Variants in KRT86 observed in about 807,000 individuals in gnomAD.
The protein encoded by KRT86 is keratin, type II cuticular Hb6.
Under a neutral mutation model 41.2 loss-of-function variants are expected in KRT86, and 30 were observed. That is an observed-to-expected ratio of 0.73 (90% CI 0.54 to 0.99). The LOEUF is 0.99. Among genes scored for constraint, KRT86 ranks in the 50% least tolerant of loss-of-function variants. The pLI is 0.00. For missense variants in KRT86, 561 were observed against 571.4 expected (o/e 0.98, Z 0.19); for synonymous variants, 238 against 238.1 (o/e 1.00, Z 0.00).
intron 2 of KRT86, among the ~76,000 whole-genome samples, chr12:52,284,334 T>G (rs1937856091): frequency 6.6e-6 from 1 of 152,182 alleles, no homozygotes; most frequent in African/African-American, 2.4e-5. Flanking sequence ...GGACTATAGG[T>G]GCACACCACG....
At position 52,306,216 on chromosome 12, in the gene KRT86, T is replaced by C. The variant is rs2121314753; in HGVS notation, c.1183T>C (p.Ser395Pro). Residue 395 changes from serine (S) to proline (P), a missense_variant, in exon 9 of 11, where the codon TCC becomes CCC. This residue lies in a region of KRT86 where 397 missense variants were observed against 375.9 expected (regional missense o/e 1.06). Coordinates refer to ENST00000423955, the MANE Select transcript of KRT86 (RefSeq NM_001320198.2). The stretch of plus-strand genomic sequence containing the variant: ...CAGGGAGTACCAGGAGGTGATGAAC[T>C]CCAAGCTGGGCCTGGACATCGAGAT... The part of the protein sequence containing the change: ...LIREYQEVMN[S>P]KLGLDIEIAT... The C allele has an allele frequency of 1.9e-6, 3 of 1,613,710 alleles. No homozygotes were observed. Among genetic ancestry groups the C allele is most frequent in the Non-Finnish European group, 2.5e-6 (3 of 1,180,024 alleles).
Position 52,304,969 on chromosome 12 carries a change from A to C in KRT86, c.677A>C (p.Glu226Ala). Residue 226 changes from glutamate (E) to alanine (A), a missense_variant, in exon 6 of 11, where the codon GAG (glutamate) becomes GCG (alanine). Coordinates refer to ENST00000423955, the MANE Select transcript of KRT86 (RefSeq NM_001320198.2). ...DCAYLRKSDL[E>A]ANVEALIQEI... The stretch of plus-strand genomic sequence containing the variant: ...GCCTACCTCCGCAAATCAGACCTGG[A>C]GGCCAATGTGGAGGCCCTGATCCAG... 6.2e-7 allele frequency: 1 copy of C among 1,614,150 alleles called. No homozygotes were observed. Among genetic ancestry groups the C allele is most frequent in the Non-Finnish European group, 8.5e-7 (1 of 1,180,024 alleles).
chr12:52,282,928 C>A (rs1937809992), intron 2 of KRT86, among the ~76,000 whole-genome samples: 1 of 152,248 alleles, frequency 6.6e-6, no homozygotes, highest in Admixed American at 6.5e-5. Flanking sequence ...CACACAGGTG[C>A]CTGGAATGTG....
intron 2 of KRT86, chr12:52,286,600 A>G: frequency 7.7e-7 from 1 of 1,303,838 alleles, no homozygotes; most frequent in Non-Finnish European, 1.1e-6. Flanking sequence ...AGTCAGAAGC[A>G]TCTTTGTGGA....
chr12:52,276,409 C>G (rs1942559928), intron 2 of KRT86, among the ~76,000 whole-genome samples: 1 of 152,186 alleles, frequency 6.6e-6, no homozygotes, highest in Admixed American at 6.5e-5. Context: ...TCATCTCTCT[C>G]TTCTTCACAT....
At chr12:52,305,942 A>G in intron 8 of KRT86, 118 bp from the exon 9 acceptor site, 1 of 1,570,038 alleles carries the variant, frequency 6.4e-7, no homozygotes, top group Non-Finnish European at 8.7e-7. Flanking sequence ...CCAGGTGATG[A>G]AGGCAAGAGG....
rs1237005825 is a variant in KRT86, at chr12:52,308,719, A to C, written c.*134A>C. ...TGCCTGCACTCTAAGCGCCCTCCCC[A>C]CCGCTCCGCTCCGGGAGCCATCCCC... On this transcript the variant is annotated 3_prime_UTR_variant, in exon 11 of 11. Coordinates refer to ENST00000423955, the MANE Select transcript of KRT86 (RefSeq NM_001320198.2). The C allele has an allele frequency of 2.3e-5, 18 of 792,056 alleles. No homozygotes were observed. Among genetic ancestry groups the C allele is most frequent in the South Asian group, 3.4e-5 (2 of 58,278 alleles). 49.1% of individuals were successfully genotyped at this position (792,056 alleles called of 1,614,324 possible).
chr12:52,308,453 C>T lies in KRT86; in HGVS notation c.1329C>T (p.Ser443=). 1 of 1,611,896 alleles carries T rather than the reference C, an allele frequency of 6.2e-7. No individual in the cohort carries two copies. The change falls in exon 11 of 11, where the codon TCC becomes TCT. Residue 443 remains serine, a synonymous_variant. Coordinates refer to ENST00000423955, the MANE Select transcript of KRT86 (RefSeq NM_001320198.2). ...GGVVCGDLCA[S]TTAPVVSTRV... ...TTGTCTGTGGCGATCTCTGCGCCTC[C>T]ACTACTGCCCCTGTTGTCTCCACCA...
intron 2 of KRT86, among the ~76,000 whole-genome samples, chr12:52,281,841 C>T (rs921153928): frequency 3.9e-5 from 6 of 152,126 alleles, no homozygotes; most frequent in African/African-American, 1.2e-4. Flanking sequence ...TGGGCTGAAG[C>T]GATCCTCCTG....
intron 2 of KRT86, chr12:52,287,371 T>G (rs1310091079): frequency 6.2e-7 from 1 of 1,607,170 alleles, no homozygotes; most frequent in African/African-American, 1.3e-5. Context: ...TGGGTCTCTC[T>G]GATGCTCATC....
intron 2 of KRT86, chr12:52,285,773 T>G: frequency 5.3e-6 from 1 of 187,616 alleles, no homozygotes; most frequent in Non-Finnish European, 1.1e-5. Context: ...CTTGGCTAAA[T>G]CTGAACCTTC....
intron 2 of KRT86, chr12:52,286,494 C>T: frequency 6.4e-7 from 1 of 1,552,170 alleles, no homozygotes; most frequent in South Asian, 1.2e-5. Flanking sequence ...CTGCTGACAC[C>T]TGTGAACCCC....
At chr12:52,300,682 C>CT (rs1938351749) in intron 2 of KRT86, among the ~76,000 whole-genome samples, 1 of 152,228 alleles carries the variant, frequency 6.6e-6, no homozygotes, top group African/African-American at 2.4e-5. Flanking sequence ...TACTGACAAA[C>CT]TTCTGTGCAG....
chr12:52,288,607 G>T, intron 2 of KRT86: 2 of 997,842 alleles, frequency 2.0e-6, no homozygotes, highest in Non-Finnish European at 3.2e-6. Context: ...TTCCTGGGAT[G>T]AGCTGGCATC....
Position 52,304,970 on chromosome 12 carries a change from G to T in KRT86, c.678G>T (p.Glu226Asp). The T allele has an allele frequency of 6.2e-7, 1 of 1,614,198 alleles. No individual in the cohort carries two copies. The highest frequency in any genetic ancestry group is 1.1e-5 in the South Asian group (1 of 91,076). ...CCTACCTCCGCAAATCAGACCTGGA[G>T]GCCAATGTGGAGGCCCTGATCCAGG... is the stretch of plus-strand genomic sequence containing the variant. Reference protein sequence around the residue: ...DCAYLRKSDLEANVEALIQEI... With the variant: ...DCAYLRKSDLDANVEALIQEI... The change falls in exon 6 of 11, where the codon GAG becomes GAT. Residue 226 changes from glutamate (E) to aspartate (D), a missense_variant. Physicochemically the swap from Glu to Asp is conservative, Grantham distance 45. This residue lies in a region of KRT86 where 397 missense variants were observed against 375.9 expected (regional missense o/e 1.06). Transcript: ENST00000423955.
chr12:52,279,206 A>G (rs566621497), intron 2 of KRT86: 1 of 152,214 alleles, frequency 6.6e-6, no homozygotes, highest in Admixed American at 6.5e-5. Flanking sequence ...CTTTAGCTAC[A>G]CAGCTCCCGC....
intron 2 of KRT86, among the ~76,000 whole-genome samples, chr12:52,295,448 G>A (rs1938226319): frequency 6.6e-6 from 1 of 152,148 alleles, no homozygotes; most frequent in Non-Finnish European, 1.5e-5. Context: ...ACTCCCTTCT[G>A]TACACCATCG....
Position 52,305,913 on chromosome 12 carries a change from G to A in KRT86, c.1026+125G>A, listed in dbSNP as rs189194815. 1,680 of 1,585,712 alleles carry A rather than the reference G, an allele frequency of 1.1e-3. 25 individuals are homozygous for A. The Admixed American group carries it at 0.028, about 26-fold the overall frequency. ...CCCCTCTGTCCATGTAGAGTCCCTG[G>A]TTGTGGTCTCTGTGAGTCCCAGGTG... is the stretch of plus-strand genomic sequence containing the variant. On this transcript the variant is annotated intron_variant, in intron 8 of 10. Transcript: ENST00000423955.
At position 52,308,543 on chromosome 12, in the gene KRT86, C is replaced by T. The variant is rs956145488; in HGVS notation, c.1419C>T (p.Ser473=). The change falls in exon 11 of 11, where the codon TCC becomes TCT. Residue 473 remains serine, a synonymous_variant. Coordinates refer to ENST00000423955, the MANE Select transcript of KRT86 (RefSeq NM_001320198.2). ...GCACTACTAACGCCTGCGCCCCCTCCGCCCGGGTTGGCGTCTGCGGCGGCA... is the reference window on the plus strand; with the variant it reads ...GCACTACTAACGCCTGCGCCCCCTCTGCCCGGGTTGGCGTCTGCGGCGGCA... ...VVGTTNACAP[S]ARVGVCGGSC... 3.9e-5 allele frequency: 63 copies of T among 1,601,260 alleles called. No individual in the cohort carries two copies. Among genetic ancestry groups the T allele is most frequent in the Non-Finnish European group, 5.3e-5 (63 of 1,179,828 alleles).
Sources: gnomAD v4.1 joint callset for allele counts (sites outside exome capture counted in the v4.1 genomes callset) on GRCh38, gnomAD v4.1.1 for gene constraint, gnomAD v4.1.1 regional missense constraint, MANE v1.5 for transcripts, NCBI Gene and HGNC (gene_info 2026-07-23, HGNC 2026-07-21) for gene names.